Variants in PPARGC1A observed in about 807,000 individuals in gnomAD.
PPARGC1A encodes the protein peroxisome proliferator-activated receptor gamma coactivator 1-alpha.
PPARGC1A carries 25 observed loss-of-function variants against 88.7 expected under a neutral mutation model. That is an observed-to-expected ratio of 0.28 (90% CI 0.21 to 0.39). PPARGC1A has a LOEUF of 0.39. Ranked by LOEUF, PPARGC1A falls within the 10% of genes least tolerant of loss-of-function variation. PPARGC1A has a pLI of 1.00. For missense variants in PPARGC1A, 880 were observed against 968.7 expected (o/e 0.91, Z 1.22); for synonymous variants, 363 against 355.6 (o/e 1.02, Z -0.24).
the PPARGC1A span, among the ~76,000 whole-genome samples, chr4:24,366,922 C>T: frequency 6.6e-6 from 1 of 152,132 alleles, no homozygotes; most frequent in African/African-American, 2.4e-5. Context: ...GAGATTCCTT[C>T]CAGGGACATT....
At chr4:24,458,257 T>C in the PPARGC1A span, among the ~76,000 whole-genome samples, 46 of 152,178 alleles carry the variant, frequency 3.0e-4, no homozygotes, top group Non-Finnish European at 5.7e-4. Flanking sequence ...CCCAGCACTT[T>C]TGGAGGCTGA....
At chr4:23,873,867 G>A (rs1714115850) in intron 2 of PPARGC1A, among the ~76,000 whole-genome samples, 1 of 152,108 alleles carries the variant, frequency 6.6e-6, no homozygotes. Flanking sequence ...GAGCCTCCAA[G>A]TACTAGCTGA....
chr4:23,820,172 G>A (rs1053257734), intron 7 of PPARGC1A, among the ~76,000 whole-genome samples: 8 of 152,044 alleles, frequency 5.3e-5, no homozygotes, highest in East Asian at 1.9e-4. Flanking sequence ...TGATTAAAGC[G>A]TAGAGAAAAA....
At chr4:24,418,847 C>CAAT in the PPARGC1A span, among the ~76,000 whole-genome samples, 1 of 152,186 alleles carries the variant, frequency 6.6e-6, no homozygotes, top group Admixed American at 6.5e-5. Context: ...AGACACACCT[C>CAAT]AATGTCAGTC....
At chr4:23,826,564 C>G (rs1332441872) in intron 5 of PPARGC1A, among the ~76,000 whole-genome samples, 1 of 152,046 alleles carries the variant, frequency 6.6e-6, no homozygotes, top group African/African-American at 2.4e-5. Flanking sequence ...TAATTTCAAT[C>G]GATCCTCCTA....
the PPARGC1A span, among the ~76,000 whole-genome samples, chr4:24,261,636 T>A: frequency 6.6e-6 from 1 of 152,254 alleles, no homozygotes; most frequent in African/African-American, 2.4e-5. Flanking sequence ...TCAGCTATTT[T>A]CACATTAGTC....
chr4:23,819,438 G>A (rs1482417171), intron 7 of PPARGC1A, among the ~76,000 whole-genome samples: 2 of 152,132 alleles, frequency 1.3e-5, no homozygotes, highest in Non-Finnish European at 2.9e-5. Flanking sequence ...TATGACATAA[G>A]CCTAATTCCC....
the PPARGC1A span, among the ~76,000 whole-genome samples, chr4:24,363,468 C>T: frequency 6.6e-6 from 1 of 152,110 alleles, no homozygotes; most frequent in Non-Finnish European, 1.5e-5. Context: ...CGGTAATATA[C>T]CATAATGATC....
chr4:24,280,109 T>C, the PPARGC1A span, among the ~76,000 whole-genome samples: 2 of 152,192 alleles, frequency 1.3e-5, no homozygotes, highest in Non-Finnish European at 2.9e-5. Context: ...TCATCTTTAA[T>C]GTTAACCACT....
chr4:24,120,516 T>C, the PPARGC1A span, among the ~76,000 whole-genome samples: 125 of 152,306 alleles, frequency 8.2e-4, 1 homozygote, highest in South Asian at 2.3e-3. Flanking sequence ...TCCCATTTTA[T>C]AGATGAGAAA....
chr4:24,369,830 T>G, the PPARGC1A span, among the ~76,000 whole-genome samples: 2 of 152,158 alleles, frequency 1.3e-5, no homozygotes. Context: ...CCGCCAACCC[T>G]CCGAGTTAGC....
chr4:24,470,107 G>A, the PPARGC1A span, among the ~76,000 whole-genome samples: 1 of 152,040 alleles, frequency 6.6e-6, no homozygotes, highest in Admixed American at 6.6e-5. The surrounding 1 kb of genome is among the most constrained non-coding windows in gnomAD (Gnocchi z 5.8). Context: ...GGAGGCACGC[G>A]CCTGGAAACT....
At chr4:24,322,852 C>T in the PPARGC1A span, among the ~76,000 whole-genome samples, 7 of 152,224 alleles carry the variant, frequency 4.6e-5, no homozygotes, top group African/African-American at 1.4e-4. Flanking sequence ...ATTGGCTGCA[C>T]TCTCCACTTT....
chr4:23,915,284 T>G, the PPARGC1A span, among the ~76,000 whole-genome samples: 1 of 152,204 alleles, frequency 6.6e-6, no homozygotes, highest in Admixed American at 6.5e-5. Context: ...AACAGGGAAG[T>G]AAATGCTAGA....
At chr4:23,994,316 T>C in the PPARGC1A span, among the ~76,000 whole-genome samples, 1 of 152,076 alleles carries the variant, frequency 6.6e-6, no homozygotes, top group Non-Finnish European at 1.5e-5. Context: ...TCCTGGAAGA[T>C]TCAGCAGAGA....
the PPARGC1A span, among the ~76,000 whole-genome samples, chr4:24,089,515 T>TC: frequency 5.5e-5 from 2 of 36,660 alleles, no homozygotes; most frequent in African/African-American, 1.1e-4. Context: ...CTTTTCTTTC[T>TC]TTTTTTTTTT....
the PPARGC1A span, among the ~76,000 whole-genome samples, chr4:24,285,776 G>A: frequency 6.6e-6 from 1 of 152,058 alleles, no homozygotes; most frequent in Non-Finnish European, 1.5e-5. Flanking sequence ...CAGGTCATTG[G>A]GTGTACAAAC....
At chr4:24,423,757 G>A in the PPARGC1A span, among the ~76,000 whole-genome samples, 2 of 152,160 alleles carry the variant, frequency 1.3e-5, no homozygotes, top group South Asian at 2.1e-4. Flanking sequence ...TTCCAACTGA[G>A]GCTGTAAAAG....
the PPARGC1A span, among the ~76,000 whole-genome samples, chr4:24,219,860 T>C: frequency 6.6e-6 from 1 of 152,150 alleles, no homozygotes; most frequent in Non-Finnish European, 1.5e-5. Flanking sequence ...TGGAGAGAGT[T>C]CTTCCTGCTG....
Sources: allele counts gnomAD v4.1 joint callset (sites outside exome capture counted in the v4.1 genomes callset), GRCh38; gene constraint gnomAD v4.1.1; non-coding constraint Gnocchi (gnomAD v3.1); transcripts MANE v1.5; gene names NCBI Gene and HGNC (gene_info 2026-07-23, HGNC 2026-07-21).